SNTG1: variants seen among roughly 807,000 people sequenced by gnomAD.
SNTG1 encodes the protein gamma-1-syntrophin.
In SNTG1, 39 loss-of-function variants were observed where a neutral mutation model predicts 74.7. That is an observed-to-expected ratio of 0.52 (90% CI 0.40 to 0.68). The LOEUF (loss-of-function observed/expected upper bound fraction) is 0.68, where lower values mean the gene tolerates loss of function less well. SNTG1 is among the 30% of genes least tolerant of loss of function. The probability of loss-of-function intolerance (pLI) is 0.00; values close to 1 mark genes in which losing one functional copy is unlikely to be tolerated. For synonymous variants in SNTG1, 254 were observed against 217.1 expected, an observed-to-expected ratio of 1.17 and a Z score of -1.49; for missense variants, 685 against 609.5, an observed-to-expected ratio of 1.12 and a Z score of -1.30.
At chr8:50,144,932 C>T (rs2081803911) in intron 1 of SNTG1, among the ~76,000 whole-genome samples, 1 of 152,100 alleles carries the variant, frequency 6.6e-6, no homozygotes, top group Admixed American at 6.6e-5. Context: ...GAATAAAGAT[C>T]AGGAAAGAGA....
intron 1 of SNTG1, among the ~76,000 whole-genome samples, chr8:50,144,363 G>C (rs1048149284): frequency 6.6e-6 from 1 of 152,144 alleles, no homozygotes; most frequent in African/African-American, 2.4e-5. Flanking sequence ...AATAACCTAA[G>C]GGTGAAATGA....
At chr8:50,708,200 C>CAA (rs985633025) in intron 16 of SNTG1, 9 of 150,912 alleles carry the variant, frequency 6.0e-5, no homozygotes, top group East Asian at 1.8e-4. Context: ...GACTCTGTTT[C>CAA]AAAAAAAAAA....
chr8:50,113,450 C>A (rs899726154), intron 1 of SNTG1, among the ~76,000 whole-genome samples: 15 of 152,160 alleles, frequency 9.9e-5, no homozygotes, highest in African/African-American at 3.4e-4. Flanking sequence ...TGAGACTTTG[C>A]TGAAGTTGCT....
chr8:50,417,997 C>T (rs1338479427), intron 4 of SNTG1, among the ~76,000 whole-genome samples: 1 of 152,058 alleles, frequency 6.6e-6, no homozygotes, highest in East Asian at 1.9e-4. Context: ...TCCACTAGAT[C>T]ATTCTGACCA....
chr8:50,107,518 T>TTTAAAGG (rs1473295114), intron 1 of SNTG1, among the ~76,000 whole-genome samples: 1 of 152,122 alleles, frequency 6.6e-6, no homozygotes, highest in Non-Finnish European at 1.5e-5. Context: ...CAAACATTAT[T>TTTAAAGG]TTAAAGGTTA....
In SNTG1 at chr8:50,792,761, G is replaced by A; in HGVS notation, c.1486G>A (p.Gly496Ser). 6.2e-7 allele frequency: 1 copy of A among 1,612,412 alleles called. No individual in the cohort carries two copies. Among genetic ancestry groups the A allele is most frequent in the African/African-American group, 1.3e-5 (1 of 74,852 alleles). Residue 496 changes from glycine (G) to serine (S), a missense_variant, in exon 19 of 19, where the codon GGC becomes AGC. Transcript: ENST00000642720. The part of the protein sequence containing the change: ...KVACLDPLFL[G>S]NQATASTAAS... ...AGCTTGTTTGGACCCTCTATTTTTA[G>A]GCAATCAAGCTACTGCTTCTACTGC...
chr8:49,922,094 C>T (rs1199502228), intron 1 of SNTG1, among the ~76,000 whole-genome samples: 1 of 152,030 alleles, frequency 6.6e-6, no homozygotes, highest in Non-Finnish European at 1.5e-5. Flanking sequence ...GGTCTGCAGA[C>T]CCATCTAAAC....
intron 8 of SNTG1, among the ~76,000 whole-genome samples, chr8:50,459,557 C>T (rs1296516915): frequency 6.6e-6 from 1 of 151,738 alleles, no homozygotes; most frequent in African/African-American, 2.4e-5. Flanking sequence ...TGTGGAGGTA[C>T]ATGTGCAGGT....
chr8:50,191,194 G>T (rs1179695321), intron 2 of SNTG1, among the ~76,000 whole-genome samples: 2 of 152,044 alleles, frequency 1.3e-5, no homozygotes. Flanking sequence ...TTATGCTGTG[G>T]TGTTTCTGGG....
At chr8:50,184,745 T>C (rs1221510861) in intron 2 of SNTG1, among the ~76,000 whole-genome samples, 1 of 152,170 alleles carries the variant, frequency 6.6e-6, no homozygotes, top group Non-Finnish European at 1.5e-5. Context: ...CAGATTCCTT[T>C]TTAATGGTTA....
chr8:50,258,428 A>G (rs1488777355), intron 2 of SNTG1, among the ~76,000 whole-genome samples: 1 of 152,236 alleles, frequency 6.6e-6, no homozygotes, highest in Non-Finnish European at 1.5e-5. Context: ...TCATCCATAC[A>G]CAAAAGAAAA....
At chr8:50,602,774 A>G (rs570055519) in intron 13 of SNTG1, among the ~76,000 whole-genome samples, 13 of 152,166 alleles carry the variant, frequency 8.5e-5, no homozygotes, top group Non-Finnish European at 1.3e-4. Context: ...TTCACTGGAT[A>G]TACTATTCTA....
intron 2 of SNTG1, among the ~76,000 whole-genome samples, chr8:50,257,210 A>C (rs34268981): frequency 0.56 from 85,695 of 151,944 alleles, 27,917 homozygotes; most frequent in East Asian, 0.83. Context: ...TACACTCGTT[A>C]AGAAAAGCTT....
Position 50,148,640 on chromosome 8 carries a change from A to T in SNTG1, c.-102-23921A>T, listed in dbSNP as rs1016786098. Among the ~76,000 whole-genome samples the T allele has an allele frequency of 3.3e-5, 5 of 152,188 alleles. No homozygotes were observed. In the East Asian group the frequency reaches 9.6e-4, roughly 29 times the overall value. On this transcript the variant is annotated intron_variant, in intron 1 of 18. Transcript: ENST00000642720. The stretch of plus-strand genomic sequence containing the variant: ...TGTTCAATTCCCACCTATGAGTGAG[A>T]ACATGCGGTGTTTGGTTTTTTGTTC...
chr8:50,102,636 T>C (rs1362092729), intron 1 of SNTG1, among the ~76,000 whole-genome samples: 2 of 149,482 alleles, frequency 1.3e-5, no homozygotes, highest in African/African-American at 2.5e-5. Flanking sequence ...TCCTTGCCCA[T>C]GCCTATGTCC....
chr8:50,527,038 A>G (rs2094226492), intron 9 of SNTG1, among the ~76,000 whole-genome samples: 1 of 151,952 alleles, frequency 6.6e-6, no homozygotes, highest in Non-Finnish European at 1.5e-5. Flanking sequence ...CAGCCATTCT[A>G]TTGAGTGTGC....
At chr8:50,617,463 A>G (rs1338273592) in intron 13 of SNTG1, among the ~76,000 whole-genome samples, 2 of 152,146 alleles carry the variant, frequency 1.3e-5, no homozygotes, top group Non-Finnish European at 2.9e-5. Flanking sequence ...CCACTGGGAA[A>G]GCTAAGCTGA....
chr8:50,407,596 A>G (rs2092895553), intron 4 of SNTG1, among the ~76,000 whole-genome samples: 1 of 152,224 alleles, frequency 6.6e-6, no homozygotes, highest in African/African-American at 2.4e-5. Context: ...TTTGCCTGAC[A>G]CTTTTGACCT....
Position 50,415,747 on chromosome 8 carries a change from C to T in SNTG1, c.162+13403C>T, listed in dbSNP as rs117701649. ...TTAATTTTTACTACATATGTGGAAA[C>T]GGTAAGATAGCCACCTTTTTAAAAA... On this transcript the variant is annotated intron_variant, in intron 4 of 18. Transcript: ENST00000642720. 4.0e-4 allele frequency among the ~76,000 whole-genome samples: 61 copies of T among 152,066 alleles called. No individual in the cohort carries two copies. In the East Asian group the frequency reaches 5.4e-3, roughly 13 times the overall value.
Sources: gnomAD v4.1 joint callset for allele counts (sites outside exome capture counted in the v4.1 genomes callset) on GRCh38, gnomAD v4.1.1 for gene constraint, MANE v1.5 for transcripts, NCBI Gene and HGNC (gene_info 2026-07-23, HGNC 2026-07-21) for gene names.